CTNND2: variants seen among roughly 807,000 people sequenced by gnomAD.
CTNND2 encodes the protein catenin delta-2.
Under a neutral mutation model 144.4 loss-of-function variants are expected in CTNND2, and 22 were observed. That is an observed-to-expected ratio of 0.15 (90% CI 0.11 to 0.22). CTNND2 has a LOEUF of 0.22. Among genes scored for constraint, CTNND2 ranks in the 10% least tolerant of loss-of-function variants. The pLI, the probability that CTNND2 is intolerant of heterozygous loss-of-function variation, is 1.00. For missense variants in CTNND2, 1,353 were observed against 1,618.8 expected, an observed-to-expected ratio of 0.84 and a Z score of 2.82; for synonymous variants, 751 against 695.6, an observed-to-expected ratio of 1.08 and a Z score of -1.25.
chr5:11,269,601 TA>T (rs1414533224), intron 9 of CTNND2, among the ~76,000 whole-genome samples: 13 of 152,186 alleles, frequency 8.5e-5, no homozygotes, highest in African/African-American at 3.1e-4. Flanking sequence ...CTATGTTTAA[TA>T]TAAAGAAATC....
intron 9 of CTNND2, among the ~76,000 whole-genome samples, chr5:11,312,784 C>G (rs184800648): frequency 5.3e-5 from 8 of 152,334 alleles, no homozygotes; most frequent in Non-Finnish European, 8.8e-5. Context: ...CTTTCACACA[C>G]ACTCAAAGCC....
intron 9 of CTNND2, among the ~76,000 whole-genome samples, chr5:11,246,954 G>T (rs558361770): frequency 2.3e-4 from 35 of 152,116 alleles, no homozygotes; most frequent in Non-Finnish European, 4.1e-4. Flanking sequence ...TGATGTGTCC[G>T]ACATCGCAGG....
chr5:11,392,061 G>A (rs1411080117), intron 6 of CTNND2, among the ~76,000 whole-genome samples: 1 of 152,208 alleles, frequency 6.6e-6, no homozygotes, highest in Non-Finnish European at 1.5e-5. Flanking sequence ...AGGAGGGGGA[G>A]AGAAAGAACA....
chr5:11,880,373 G>T (rs1434098011), intron 1 of CTNND2, among the ~76,000 whole-genome samples: 1 of 151,916 alleles, frequency 6.6e-6, no homozygotes, highest in Non-Finnish European at 1.5e-5. Context: ...ACAACAAAGT[G>T]CATTTAAGAT....
intron 11 of CTNND2, 42 bp downstream of exon 11, chr5:11,199,406 T>G (rs1451250804): frequency 1.3e-6 from 2 of 1,555,736 alleles, no homozygotes; most frequent in African/African-American, 1.4e-5. Context: ...AATGGAAAGT[T>G]TATCTTGAGA....
At chr5:11,356,675 G>A (rs189926422) in intron 8 of CTNND2, among the ~76,000 whole-genome samples, 3 of 151,834 alleles carry the variant, frequency 2.0e-5, no homozygotes, top group East Asian at 3.9e-4. Flanking sequence ...TGCACAGGTA[G>A]CAAAACCAAA....
rs541158977 is a variant in CTNND2 at position 11,840,494 on chromosome 5, T to C, written c.37+63323A>G. 2.0e-5 allele frequency among the ~76,000 whole-genome samples: 3 copies of C among 152,312 alleles called. No individual in the cohort carries two copies. The South Asian group carries it at 6.2e-4, about 32-fold the overall frequency. ...TAATCAAGACGATAAATATCTTCTATGGTTTTATATTTTTCAAAGAAATAA... is the reference window on the plus strand; with the variant it reads ...TAATCAAGACGATAAATATCTTCTACGGTTTTATATTTTTCAAAGAAATAA... On this transcript the variant is annotated intron_variant, in intron 1 of 21. Coordinates refer to ENST00000304623, the MANE Select transcript of CTNND2 (RefSeq NM_001332.4).
intron 1 of CTNND2, among the ~76,000 whole-genome samples, chr5:11,779,365 G>C (rs1356913167): frequency 2.6e-5 from 4 of 152,126 alleles, no homozygotes; most frequent in Non-Finnish European, 5.9e-5. Context: ...CATTGGTTTA[G>C]TGCTATTTAC....
chr5:11,018,449 C>G (rs1053996915), intron 17 of CTNND2, among the ~76,000 whole-genome samples: 5 of 152,164 alleles, frequency 3.3e-5, no homozygotes, highest in Non-Finnish European at 2.9e-5. Context: ...GATGATTAAG[C>G]TTAGCGAGGA....
Position 11,732,333 on chromosome 5 carries a change from T to A in CTNND2, c.38-61A>T, listed in dbSNP as rs958377956. On this transcript the variant is annotated intron_variant, in intron 1 of 21. Transcript: ENST00000304623. ...TGTTGACACTAAACAGGTACAACTA[T>A]CAGACCACTTTGAAGATACACACAG... The A allele has an allele frequency of 1.1e-5, 17 of 1,523,938 alleles. No individual in the cohort carries two copies. The African/African-American group carries it at 1.9e-4, about 17-fold the overall frequency. 94.4% of individuals were successfully genotyped at this position (1,523,938 alleles called of 1,614,324 possible).
At chr5:11,420,693 C>T (rs77814903) in intron 3 of CTNND2, among the ~76,000 whole-genome samples, 5,783 of 152,280 alleles carry the variant, frequency 0.038, 380 homozygotes, top group African/African-American at 0.13. Flanking sequence ...CTTTGGTCGG[C>T]TGCCTGTGGT....
At chr5:11,451,859 A>C (rs1765342527) in intron 3 of CTNND2, among the ~76,000 whole-genome samples, 2 of 152,236 alleles carry the variant, frequency 1.3e-5, no homozygotes, top group South Asian at 4.1e-4. Context: ...TTTCATTAAA[A>C]AACAATAAAT....
intron 9 of CTNND2, among the ~76,000 whole-genome samples, chr5:11,331,632 C>G (rs1447962843): frequency 6.6e-6 from 1 of 152,126 alleles, no homozygotes; most frequent in African/African-American, 2.4e-5. Flanking sequence ...ACATACCTGA[C>G]TATTTGTACT....
intron 15 of CTNND2, among the ~76,000 whole-genome samples, chr5:11,095,298 C>G (rs1346920727): frequency 6.6e-6 from 1 of 152,148 alleles, no homozygotes; most frequent in Non-Finnish European, 1.5e-5. Context: ...AAACATTGTT[C>G]AGTCTGAACA....
At chr5:11,403,891 C>T (rs1054978843) in intron 5 of CTNND2, among the ~76,000 whole-genome samples, 2 of 152,214 alleles carry the variant, frequency 1.3e-5, no homozygotes, top group Non-Finnish European at 1.5e-5. Context: ...ATCTGCATGG[C>T]TTGCTGGTGC....
intron 2 of CTNND2, among the ~76,000 whole-genome samples, chr5:11,650,301 C>T (rs1249923852): frequency 6.6e-6 from 1 of 152,174 alleles, no homozygotes; most frequent in Non-Finnish European, 1.5e-5. Flanking sequence ...TAGTGAGTTT[C>T]CTGAGGTCTC....
intron 1 of CTNND2, among the ~76,000 whole-genome samples, chr5:11,879,343 A>ATG (rs1462529191): frequency 4.0e-5 from 4 of 99,172 alleles, no homozygotes; most frequent in African/African-American, 1.3e-4. Flanking sequence ...AAATGTGTGT[A>ATG]TATATATATA....
chr5:11,318,960 C>T (rs1297999873), intron 9 of CTNND2, among the ~76,000 whole-genome samples: 1 of 151,806 alleles, frequency 6.6e-6, no homozygotes, highest in African/African-American at 2.4e-5. Flanking sequence ...AGAGAACATA[C>T]TTATATAATG....
intron 1 of CTNND2, among the ~76,000 whole-genome samples, chr5:11,862,544 C>T (rs1472326240): frequency 6.6e-6 from 1 of 152,146 alleles, no homozygotes; most frequent in Non-Finnish European, 1.5e-5. Flanking sequence ...TGATGCATTT[C>T]TTACCATTAG....
Sources: gnomAD v4.1 joint callset for allele counts (sites outside exome capture counted in the v4.1 genomes callset) on GRCh38, gnomAD v4.1.1 for gene constraint, MANE v1.5 for transcripts, NCBI Gene and HGNC (gene_info 2026-07-23, HGNC 2026-07-21) for gene names.